The following MATN2 variants were observed in gnomAD, a reference collection of about 807,000 sequenced individuals.
MATN2 encodes matrilin 2.
MATN2 carries 69 observed loss-of-function variants against 103.2 expected under a neutral mutation model. The ratio of observed to expected loss-of-function variants is 0.67; its 90% CI spans 0.55 to 0.82. The LOEUF is 0.82. Among genes scored for constraint, MATN2 ranks in the 40% least tolerant of loss-of-function variants. The pLI, the probability that MATN2 is intolerant of heterozygous loss-of-function variation, is 0.00. For missense variants in MATN2, 1,023 were observed against 1,211.5 expected (o/e 0.84, Z 2.31); for synonymous variants, 429 against 450.2 (o/e 0.95, Z 0.60).
At chr8:97,925,167 G>A (rs1056003957) in intron 2 of MATN2, among the ~76,000 whole-genome samples, 1 of 152,104 alleles carries the variant, frequency 6.6e-6, no homozygotes, top group South Asian at 2.1e-4. Context: ...CACAGCGGGT[G>A]GATTGGCTAC....
intron 1 of MATN2, among the ~76,000 whole-genome samples, chr8:97,886,247 T>A (rs979241607): frequency 6.6e-6 from 1 of 152,176 alleles, no homozygotes; most frequent in Admixed American, 6.5e-5. Flanking sequence ...TTGAGCTGTA[T>A]AATTATTTCA....
At chr8:98,034,979 T>C (rs1814184802) in intron 18 of MATN2, among the ~76,000 whole-genome samples, 2 of 151,794 alleles carry the variant, frequency 1.3e-5, no homozygotes, top group Admixed American at 1.3e-4. Flanking sequence ...CCTAGCACTT[T>C]GGGAGGCCGA....
At chr8:97,922,306 C>G (rs1294495294) in intron 2 of MATN2, among the ~76,000 whole-genome samples, 1 of 152,200 alleles carries the variant, frequency 6.6e-6, no homozygotes, top group Non-Finnish European at 1.5e-5. Context: ...TTTGCTCTGA[C>G]CCCATGCCCA....
intron 2 of MATN2, among the ~76,000 whole-genome samples, chr8:97,889,459 CTATATATA>C (rs56115197): frequency 0.12 from 14,524 of 123,300 alleles, 1,612 homozygotes; most frequent in African/African-American, 0.26. Flanking sequence ...CTCTCTCTGT[CTATATATA>C]TATATATATA....
intron 5 of MATN2, among the ~76,000 whole-genome samples, chr8:97,976,031 C>G (rs1383873712): frequency 1.3e-5 from 2 of 152,210 alleles, no homozygotes; most frequent in Non-Finnish European, 2.9e-5. Context: ...AATGCCCTAT[C>G]CCCAACATAA....
At chr8:97,997,901 CCT>C (rs917151402) in intron 7 of MATN2, among the ~76,000 whole-genome samples, 4 of 148,440 alleles carry the variant, frequency 2.7e-5, no homozygotes, top group African/African-American at 7.4e-5. Flanking sequence ...CTCACTACAA[CCT>C]CTGTCTCCCA....
chr8:97,998,023 T>C (rs1812649460), intron 7 of MATN2, among the ~76,000 whole-genome samples: 1 of 150,358 alleles, frequency 6.7e-6, no homozygotes, highest in South Asian at 2.2e-4. Context: ...TTTCACCATG[T>C]TGTCCAGGCT....
chr8:98,001,716 G>C (rs1380706541), intron 7 of MATN2, among the ~76,000 whole-genome samples: 1 of 152,012 alleles, frequency 6.6e-6, no homozygotes, highest in Admixed American at 6.6e-5. Flanking sequence ...GGCCTCAAGT[G>C]ATCTGCCCAC....
intron 5 of MATN2, 151 bp from the exon 6 acceptor site, chr8:97,978,735 A>T (rs1156766626): frequency 1.4e-6 from 1 of 702,208 alleles, no homozygotes; most frequent in East Asian, 2.7e-5. Context: ...TGAGGGGGGC[A>T]GAGACCTTGG....
intron 6 of MATN2, among the ~76,000 whole-genome samples, chr8:97,990,882 A>T (rs934364642): frequency 1.3e-5 from 2 of 152,234 alleles, no homozygotes; most frequent in Admixed American, 6.5e-5. Flanking sequence ...TTAGCAAGAG[A>T]CAGGAGGAAA....
At chr8:97,975,075 G>A (rs1250568309) in intron 5 of MATN2, among the ~76,000 whole-genome samples, 1 of 152,188 alleles carries the variant, frequency 6.6e-6, no homozygotes, top group Non-Finnish European at 1.5e-5. Flanking sequence ...GTGTCCTAGA[G>A]CCCATGTGTT....
chr8:98,019,073 GTCTGT>G (rs1813480384), intron 12 of MATN2, among the ~76,000 whole-genome samples: 1 of 146,932 alleles, frequency 6.8e-6, no homozygotes, highest in Admixed American at 6.8e-5. Flanking sequence ...GTCTTCTATG[GTCTGT>G]TCTATCTTCT....
intron 2 of MATN2, among the ~76,000 whole-genome samples, chr8:97,920,698 C>G (rs996382766): frequency 6.6e-6 from 1 of 152,110 alleles, no homozygotes; most frequent in African/African-American, 2.4e-5. Context: ...GTGGTGTGTG[C>G]CTGTAGTCCC....
intron 1 of MATN2, among the ~76,000 whole-genome samples, chr8:97,874,574 T>A (rs1010823647): frequency 6.6e-6 from 1 of 151,572 alleles, no homozygotes; most frequent in Non-Finnish European, 1.5e-5. Flanking sequence ...TCTGGCTAAA[T>A]TTTTTTTTAA....
At chr8:98,032,823 T>G (rs944650560) in intron 16 of MATN2, among the ~76,000 whole-genome samples, 1 of 152,176 alleles carries the variant, frequency 6.6e-6, no homozygotes, top group Non-Finnish European at 1.5e-5. Flanking sequence ...TGAGCCACTG[T>G]GCCCGGCTGT....
chr8:98,021,082 A>AG lies in MATN2; in HGVS notation c.1820-121dup, dbSNP rs1813572696. ...GAGACTGCAAAAGACATTATGAAGG[A>AG]GGTTTGAAGAGAGGTGTATTTTCTT... On this transcript the variant is annotated intron_variant, in intron 12 of 18. Coordinates refer to ENST00000254898, the MANE Select transcript of MATN2 (RefSeq NM_002380.5). 5 of 859,934 alleles carry AG rather than the reference A, an allele frequency of 5.8e-6. No homozygotes were observed. The African/African-American group carries it at 8.6e-5, about 15-fold the overall frequency. The allele number at this position is 859,934 out of a possible 1,614,324, so 53.3% of individuals were successfully genotyped here.
intron 2 of MATN2, among the ~76,000 whole-genome samples, chr8:97,888,610 G>T (rs1343948545): frequency 6.6e-6 from 1 of 152,140 alleles, no homozygotes; most frequent in Non-Finnish European, 1.5e-5. Flanking sequence ...TTCCCTGCAT[G>T]GCAGCAGGGA....
intron 6 of MATN2, among the ~76,000 whole-genome samples, chr8:97,988,976 A>T (rs1812294427): frequency 6.6e-6 from 1 of 152,224 alleles, no homozygotes; most frequent in African/African-American, 2.4e-5. Flanking sequence ...ACAATATATT[A>T]AAAAGTACAA....
intron 1 of MATN2, among the ~76,000 whole-genome samples, chr8:97,876,125 C>T (rs912023700): frequency 5.3e-5 from 8 of 152,176 alleles, no homozygotes; most frequent in African/African-American, 1.9e-4. Flanking sequence ...CAACCTCCCA[C>T]CTCAGCCTCC....
Sources: gnomAD v4.1 joint callset for allele counts (sites outside exome capture counted in the v4.1 genomes callset) on GRCh38, gnomAD v4.1.1 for gene constraint, MANE v1.5 for transcripts, NCBI Gene and HGNC (gene_info 2026-07-23, HGNC 2026-07-21) for gene names.